Variants in FAM20B observed in about 807,000 individuals in gnomAD.
The protein encoded by FAM20B is glycosaminoglycan xylosylkinase.
In FAM20B, 23 loss-of-function variants were observed where a neutral mutation model predicts 43.8. The ratio of observed to expected loss-of-function variants is 0.53; its 90% CI spans 0.38 to 0.74. FAM20B has a LOEUF of 0.74. Among genes scored for constraint, FAM20B ranks in the 30% least tolerant of loss-of-function variants. FAM20B has a pLI of 0.00. For missense variants in FAM20B, 440 were observed against 510.5 expected, an observed-to-expected ratio of 0.86 and a Z score of 1.33; for synonymous variants, 178 against 192.4, an observed-to-expected ratio of 0.93 and a Z score of 0.62.
chr1:179,043,397 C>T (rs1404205960), intron 1 of FAM20B, among the ~76,000 whole-genome samples: 1 of 152,116 alleles, frequency 6.6e-6, no homozygotes, highest in Non-Finnish European at 1.5e-5. Context: ...TACCCAGGAA[C>T]ACGGGGCCCC....
intron 1 of FAM20B, among the ~76,000 whole-genome samples, chr1:179,040,943 C>T (rs1399619005): frequency 2.0e-5 from 3 of 148,502 alleles, no homozygotes; most frequent in Non-Finnish European, 3.0e-5. Flanking sequence ...GACGGGGTCA[C>T]GGCCGGGCAG....
chr1:179,035,508 G>T, intron 1 of FAM20B: 1 of 681,020 alleles, frequency 1.5e-6, no homozygotes, highest in South Asian at 1.4e-5. Context: ...GTCCCTGACT[G>T]CTGTGGCCTC....
Position 179,028,105 on chromosome 1 carries a change from G to T in FAM20B, c.-134+2007G>T, listed in dbSNP as rs77580442. Among the ~76,000 whole-genome samples the T allele has an allele frequency of 1.3e-3, 198 of 152,254 alleles. 5 individuals carry two copies. The East Asian group carries it at 0.034, about 27-fold the overall frequency. On this transcript the variant is annotated intron_variant, in intron 1 of 7. Coordinates refer to ENST00000263733, the MANE Select transcript of FAM20B (RefSeq NM_014864.4). ...GACTTCAGCTTCCCACACTTTGTGT[G>T]TCTATCATTTCATTGGTGTAAAACC...
intron 2 of FAM20B, among the ~76,000 whole-genome samples, chr1:179,046,238 C>T (rs1472241130): frequency 1.3e-5 from 2 of 152,204 alleles, no homozygotes; most frequent in Non-Finnish European, 2.9e-5. Context: ...ACGTGGAGCA[C>T]TCATCATCAA....
chr1:179,025,290 A>C (rs983937108), upstream of FAM20B, among the ~76,000 whole-genome samples: 1 of 152,256 alleles, frequency 6.6e-6, no homozygotes, highest in African/African-American at 2.4e-5. Flanking sequence ...ATATTACAGT[A>C]AATGAATCAT....
At chr1:179,031,903 A>G (rs1283401643) in intron 1 of FAM20B, among the ~76,000 whole-genome samples, 1 of 152,208 alleles carries the variant, frequency 6.6e-6, no homozygotes, top group Non-Finnish European at 1.5e-5. Flanking sequence ...CATGCTTCCC[A>G]TCTGTTTCAG....
At chr1:179,019,170 A>C in the FAM20B span, among the ~76,000 whole-genome samples, 1 of 152,228 alleles carries the variant, frequency 6.6e-6, no homozygotes, top group African/African-American at 2.4e-5. Context: ...ATATATCTAG[A>C]AATAATATTT....
rs1425309699 is a variant in FAM20B, at chr1:179,072,805, C to G, written c.*661C>G. ...AGAGACCCAATGGTAGAACCAGAATCAGGGAGATGACTGAACTACTGAAAA... is the reference window on the plus strand; with the variant it reads ...AGAGACCCAATGGTAGAACCAGAATGAGGGAGATGACTGAACTACTGAAAA... On this transcript the variant is annotated 3_prime_UTR_variant, in exon 8 of 8. Coordinates refer to ENST00000263733, the MANE Select transcript of FAM20B (RefSeq NM_014864.4). 1 of 152,220 alleles carries G rather than the reference C, an allele frequency of 6.6e-6. No homozygotes were observed. Among genetic ancestry groups the G allele is most frequent in the African/African-American group, 2.4e-5 (1 of 41,466 alleles). 9.4% of individuals were successfully genotyped at this position (152,220 alleles called of 1,614,324 possible). A position where few individuals can be genotyped will look rare whatever the true frequency, so the allele number is the denominator to read the frequency against.
At chr1:179,065,425 A>C (rs1177881480) in intron 6 of FAM20B, among the ~76,000 whole-genome samples, 1 of 152,174 alleles carries the variant, frequency 6.6e-6, no homozygotes, top group Admixed American at 6.6e-5. Context: ...GTGTAGTGCC[A>C]CACTTTTAGT....
chr1:179,050,538 G>A (rs893027551), intron 3 of FAM20B, among the ~76,000 whole-genome samples, 173 bp downstream of exon 3: 1 of 152,138 alleles, frequency 6.6e-6, no homozygotes, highest in Non-Finnish European at 1.5e-5. Flanking sequence ...TAATTTGGTT[G>A]GCACCAGGAA....
chr1:179,058,005 C>A (rs4652350), intron 4 of FAM20B, among the ~76,000 whole-genome samples: 71,226 of 151,938 alleles, frequency 0.47, 17,153 homozygotes, highest in African/African-American at 0.55. Context: ...CTTTGGCAGT[C>A]TGGAAAAGCT....
intron 4 of FAM20B, among the ~76,000 whole-genome samples, chr1:179,058,052 T>C (rs1027347868): frequency 1.3e-5 from 2 of 152,184 alleles, no homozygotes; most frequent in African/African-American, 4.8e-5. Context: ...TTTAAATACA[T>C]ACAGAAATTA....
Position 179,064,459 on chromosome 1 carries a change from G to C in FAM20B, c.901G>C (p.Gly301Arg), listed in dbSNP as rs374924481. The C allele has an allele frequency of 1.2e-6, 2 of 1,613,982 alleles. No homozygotes were observed. The highest frequency in any genetic ancestry group is 2.7e-5 in the African/African-American group (2 of 74,922). ...CTATGAGAGCTTTCAAGATGATGAA[G>C]GCGCTAGTATGCTCATCCTTCTTGA... ...HHYESFQDDE[G>R]ASMLILLDNA... is the part of the protein sequence containing the mutation. The change falls in exon 6 of 8, where the codon GGC becomes CGC. Residue 301 changes from glycine to arginine, a missense_variant. Transcript: ENST00000263733.
intron 1 of FAM20B, 124 bp downstream of exon 1, chr1:179,026,222 G>A (rs2102475749): frequency 6.6e-6 from 1 of 150,986 alleles, no homozygotes; most frequent in South Asian, 2.1e-4. Flanking sequence ...GGCCGCCTGG[G>A]GGCGGGGCGC....
At chr1:179,054,483 C>A (rs1651128259) in intron 3 of FAM20B, 46 bp from the exon 4 acceptor site, 1 of 1,208,848 alleles carries the variant, frequency 8.3e-7, no homozygotes, top group Non-Finnish European at 1.2e-6. Flanking sequence ...ACTTAAAAAA[C>A]ATCCCCTAAG....
At chr1:179,061,131 T>A (rs908069807) in intron 4 of FAM20B, among the ~76,000 whole-genome samples, 2 of 143,644 alleles carry the variant, frequency 1.4e-5, no homozygotes, top group Admixed American at 7.6e-5. Context: ...CAGGCTGGAG[T>A]GCAGTGGCAC....
Position 179,073,132 on chromosome 1 carries a change from T to A in FAM20B, c.*988T>A, listed in dbSNP as rs1651997491. On this transcript the variant is annotated 3_prime_UTR_variant, in exon 8 of 8. Transcript: ENST00000263733. ...AATTTCCACCTCTGCCTTTAAGGCATTTTTGTCACTGAAGCTGCTGTTCCC... is the reference window on the plus strand; with the variant it reads ...AATTTCCACCTCTGCCTTTAAGGCAATTTTGTCACTGAAGCTGCTGTTCCC... The A allele has an allele frequency of 6.6e-6, 1 of 152,208 alleles. No homozygotes were observed. Among genetic ancestry groups the A allele is most frequent in the African/African-American group, 2.4e-5 (1 of 41,454 alleles). 9.4% of individuals were successfully genotyped at this position (152,208 alleles called of 1,614,324 possible). A position where few individuals can be genotyped will look rare whatever the true frequency, so the allele number is the denominator to read the frequency against.
chr1:179,038,685 T>C (rs1389949083), intron 1 of FAM20B, among the ~76,000 whole-genome samples: 1 of 152,244 alleles, frequency 6.6e-6, no homozygotes, highest in African/African-American at 2.4e-5. Flanking sequence ...CAAAAATCTC[T>C]GAAATCTTCT....
intron 4 of FAM20B, among the ~76,000 whole-genome samples, chr1:179,059,849 G>A (rs1044357195): frequency 3.3e-5 from 5 of 151,958 alleles, no homozygotes; most frequent in Non-Finnish European, 7.4e-5. Context: ...GTGCACGTCT[G>A]TAATCCCAAC....
Sources: allele counts gnomAD v4.1 joint callset (sites outside exome capture counted in the v4.1 genomes callset), GRCh38; gene constraint gnomAD v4.1.1; transcripts MANE v1.5; gene names NCBI Gene and HGNC (gene_info 2026-07-23, HGNC 2026-07-21).